Variants in UBE4B observed in about 807,000 individuals in gnomAD.
UBE4B encodes ubiquitination factor E4B, also known as ubiquitin conjugation factor E4 B.
A neutral mutation model predicts 148.1 loss-of-function variants in UBE4B; 27 were observed. The observed-to-expected ratio is 0.18, with a 90% CI of 0.13 to 0.25. The LOEUF is 0.25. Among genes scored for constraint, UBE4B ranks in the 10% least tolerant of loss-of-function variants. UBE4B has a pLI of 1.00. For synonymous variants in UBE4B, 596 were observed against 619.3 expected, an observed-to-expected ratio of 0.96 and a Z score of 0.56; for missense variants, 1,170 against 1,662.4, an observed-to-expected ratio of 0.70 and a Z score of 5.15.
chr1:10,163,326 G>T (rs916688475), intron 23 of UBE4B: 3 of 152,138 alleles, frequency 2.0e-5, no homozygotes, highest in African/African-American at 7.2e-5. Context: ...GATTACCATG[G>T]CCCCTGCTCG....
chr1:10,164,376 G>T (rs1646215872), intron 23 of UBE4B, among the ~76,000 whole-genome samples: 2 of 152,068 alleles, frequency 1.3e-5, no homozygotes, highest in South Asian at 4.1e-4. Context: ...GAAAGAAAGA[G>T]TCTTGCTCTG....
chr1:10,132,499 C>T lies in UBE4B; in HGVS notation c.2025+17C>T, dbSNP rs2101946270. 6.2e-7 allele frequency: 1 copy of T among 1,604,484 alleles called. No homozygotes were observed. The highest frequency in any genetic ancestry group is 1.3e-5 in the African/African-American group (1 of 74,750). On this transcript the variant is annotated intron_variant, in intron 15 of 27. Transcript: ENST00000343090. The stretch of plus-strand genomic sequence containing the variant: ...CAGATGCAGGTAGGATTCCTACAGA[C>T]TGCTTTTCGCTGTTTGTCAAATTCA...
intron 1 of UBE4B, among the ~76,000 whole-genome samples, chr1:10,047,497 T>TG (rs1643936208): frequency 6.8e-6 from 1 of 146,990 alleles, no homozygotes; most frequent in African/African-American, 2.6e-5. Flanking sequence ...TCTTTTTTTT[T>TG]TTTTTTTTTT....
chr1:10,137,284 G>A (rs1053826463), intron 17 of UBE4B, 79 bp downstream of exon 17: 1 of 1,577,830 alleles, frequency 6.3e-7, no homozygotes, highest in African/African-American at 1.3e-5. Flanking sequence ...ATTGTGAACA[G>A]TAGTTTTGAA....
intron 2 of UBE4B, among the ~76,000 whole-genome samples, chr1:10,074,524 A>G (rs1377067597): frequency 6.6e-6 from 1 of 151,314 alleles, no homozygotes; most frequent in Non-Finnish European, 1.5e-5. Flanking sequence ...CTGCCCTTGC[A>G]CTCTTTGCTG....
rs1440959070 is a variant in UBE4B at position 10,032,993 on chromosome 1, A to C, written c.-678A>C. 1 of 152,204 alleles carries C rather than the reference A, an allele frequency of 6.6e-6. No individual in the cohort carries two copies. The highest frequency in any genetic ancestry group is 1.5e-5 in the Non-Finnish European group (1 of 68,050). The allele number at this position is 152,204 out of a possible 1,614,324, so 9.4% of individuals were successfully genotyped here. A position where few individuals can be genotyped will look rare whatever the true frequency, so the allele number is the denominator to read the frequency against. On this transcript the variant is annotated 5_prime_UTR_variant, in exon 1 of 28. Coordinates refer to ENST00000343090, the MANE Select transcript of UBE4B (RefSeq NM_001105562.3). ...GATGGCCGCCCTGTTGTTTTGATGA[A>C]TAATACTTGGTGGGGCGAGGGGGAA... is the stretch of plus-strand genomic sequence containing the variant.
intron 25 of UBE4B, among the ~76,000 whole-genome samples, chr1:10,172,451 G>C (rs1219391760): frequency 6.6e-6 from 1 of 152,198 alleles, no homozygotes; most frequent in Non-Finnish European, 1.5e-5. Flanking sequence ...AGGTCACAGA[G>C]TTAGTGTGGG....
intron 19 of UBE4B, among the ~76,000 whole-genome samples, 193 bp from the exon 20 acceptor site, chr1:10,148,991 T>G (rs896624622): frequency 6.6e-6 from 1 of 152,182 alleles, no homozygotes; most frequent in Non-Finnish European, 1.5e-5. Context: ...CACATACCCT[T>G]GCATATGCAC....
intron 1 of UBE4B, among the ~76,000 whole-genome samples, chr1:10,036,477 T>C (rs905823599): frequency 6.6e-6 from 1 of 152,046 alleles, no homozygotes; most frequent in African/African-American, 2.4e-5. Flanking sequence ...ACAAATAATA[T>C]TCGTTTGTTT....
At chr1:10,104,335 C>A (rs140291546) in intron 5 of UBE4B, among the ~76,000 whole-genome samples, 123 of 152,258 alleles carry the variant, frequency 8.1e-4, no homozygotes, top group African/African-American at 2.9e-3. Flanking sequence ...TTACAGTAGT[C>A]ATTTGGAACG....
chr1:10,036,173 C>T (rs1301719197), intron 1 of UBE4B, among the ~76,000 whole-genome samples: 1 of 151,404 alleles, frequency 6.6e-6, no homozygotes, highest in Non-Finnish European at 1.5e-5. Flanking sequence ...CTTTTCAAAC[C>T]AGTGAGGCAT....
intron 1 of UBE4B, among the ~76,000 whole-genome samples, chr1:10,063,912 A>G (rs901372048): frequency 6.4e-5 from 9 of 139,828 alleles, no homozygotes; most frequent in Non-Finnish European, 7.8e-5. Flanking sequence ...GTCTCAATGA[A>G]AAAAAAAAAA....
intron 11 of UBE4B, among the ~76,000 whole-genome samples, chr1:10,127,347 G>T (rs192910764): frequency 2.0e-5 from 3 of 152,182 alleles, no homozygotes; most frequent in African/African-American, 7.2e-5. Context: ...GTTTCCTAAG[G>T]TCATATTTAC....
At chr1:10,170,923 C>A (rs1370975795) in intron 24 of UBE4B, 5 of 410,552 alleles carry the variant, frequency 1.2e-5, no homozygotes. Flanking sequence ...CATCAGCCTG[C>A]AACATTCCAT....
intron 2 of UBE4B, among the ~76,000 whole-genome samples, chr1:10,092,342 A>T (rs1344619183): frequency 2.6e-5 from 4 of 152,110 alleles, no homozygotes; most frequent in Non-Finnish European, 4.4e-5. Context: ...CTTCTGCCTC[A>T]GATTCCCGAG....
At chr1:10,074,365 A>G (rs1338449260) in intron 2 of UBE4B, among the ~76,000 whole-genome samples, 2 of 148,912 alleles carry the variant, frequency 1.3e-5, no homozygotes, top group African/African-American at 2.5e-5. Context: ...TTAACAGCCT[A>G]TATAATGCCA....
intron 1 of UBE4B, among the ~76,000 whole-genome samples, chr1:10,071,318 A>G (rs886120449): frequency 1.3e-5 from 2 of 152,232 alleles, no homozygotes; most frequent in Non-Finnish European, 2.9e-5. Context: ...ATGGTGCTTC[A>G]TGCCCATAAT....
chr1:10,133,036 T>G (rs1645620968), intron 15 of UBE4B, among the ~76,000 whole-genome samples: 1 of 151,960 alleles, frequency 6.6e-6, no homozygotes. Flanking sequence ...AAAGCTGCTA[T>G]GTAGACGGAC....
At chr1:10,152,603 G>T (rs1052784832) in intron 21 of UBE4B, among the ~76,000 whole-genome samples, 3 of 151,836 alleles carry the variant, frequency 2.0e-5, no homozygotes, top group African/African-American at 7.3e-5. Flanking sequence ...TTTGTGACCA[G>T]CCTGGCCAAC....
Sources: gnomAD v4.1 joint callset for allele counts (sites outside exome capture counted in the v4.1 genomes callset) on GRCh38, gnomAD v4.1.1 for gene constraint, MANE v1.5 for transcripts, NCBI Gene and HGNC (gene_info 2026-07-23, HGNC 2026-07-21) for gene names.